The following KCNH7 variants were observed in gnomAD, a reference collection of about 807,000 sequenced individuals.
KCNH7 encodes the protein voltage-gated inwardly rectifying potassium channel KCNH7.
A neutral mutation model predicts 120.8 loss-of-function variants in KCNH7; 49 were observed. That is an observed-to-expected ratio of 0.41 (90% CI 0.32 to 0.51). The LOEUF (loss-of-function observed/expected upper bound fraction) is 0.51. KCNH7 is among the 20% of genes least tolerant of loss of function. The pLI is 0.38. For synonymous variants in KCNH7, 547 were observed against 516.1 expected, an observed-to-expected ratio of 1.06 and a Z score of -0.81; for missense variants, 1,097 against 1,446.6, an observed-to-expected ratio of 0.76 and a Z score of 3.92.
At chr2:162,471,399 T>C (rs1010447971) in intron 6 of KCNH7, among the ~76,000 whole-genome samples, 6 of 152,228 alleles carry the variant, frequency 3.9e-5, no homozygotes, top group African/African-American at 1.4e-4. Context: ...TGTGCATTTG[T>C]GTGTATGTAT....
chr2:162,405,017 A>G (rs757612672), intron 9 of KCNH7, among the ~76,000 whole-genome samples: 4 of 152,052 alleles, frequency 2.6e-5, no homozygotes, highest in Non-Finnish European at 5.9e-5. Flanking sequence ...AGAAATTCTC[A>G]AGGTAAGAAT....
At chr2:162,817,050 C>A (rs766442103) in intron 2 of KCNH7, among the ~76,000 whole-genome samples, 1 of 152,024 alleles carries the variant, frequency 6.6e-6, no homozygotes, top group East Asian at 1.9e-4. Flanking sequence ...AAAAATCTGG[C>A]CCTGAAAGTA....
intron 2 of KCNH7, among the ~76,000 whole-genome samples, chr2:162,641,705 T>A (rs1455499308): frequency 6.7e-6 from 1 of 149,214 alleles, no homozygotes; most frequent in Admixed American, 6.7e-5. Context: ...GAGGGAAATG[T>A]TTTGTATCTT....
At chr2:162,389,625 A>G (rs867412722) in intron 12 of KCNH7, among the ~76,000 whole-genome samples, 5 of 152,054 alleles carry the variant, frequency 3.3e-5, no homozygotes, top group Non-Finnish European at 7.4e-5. Flanking sequence ...TAGTTAAAAA[A>G]TATACCAATA....
chr2:162,434,969 T>C (rs533954966), intron 8 of KCNH7, among the ~76,000 whole-genome samples: 26 of 152,164 alleles, frequency 1.7e-4, no homozygotes, highest in Admixed American at 1.4e-3. Context: ...CCTGAAACCA[T>C]GTTGCTCCAA....
chr2:162,423,091 CT>C (rs1341387778), intron 9 of KCNH7, among the ~76,000 whole-genome samples: 3 of 152,204 alleles, frequency 2.0e-5, no homozygotes, highest in African/African-American at 7.2e-5. Context: ...AGTGGGAACT[CT>C]ACTACACACA....
At chr2:162,726,403 T>C (rs1455335581) in intron 2 of KCNH7, among the ~76,000 whole-genome samples, 2 of 152,142 alleles carry the variant, frequency 1.3e-5, no homozygotes, top group Non-Finnish European at 2.9e-5. Flanking sequence ...AGGGTTTTAA[T>C]CTTGGAGGTT....
intron 6 of KCNH7, among the ~76,000 whole-genome samples, chr2:162,488,669 T>C (rs1245581822): frequency 6.6e-6 from 1 of 152,134 alleles, no homozygotes; most frequent in African/African-American, 2.4e-5. Context: ...TCCATAAATA[T>C]CCCAAAAGAA....
chr2:162,733,084 C>G (rs1236339689), intron 2 of KCNH7, among the ~76,000 whole-genome samples: 2 of 152,166 alleles, frequency 1.3e-5, no homozygotes, highest in African/African-American at 4.8e-5. Context: ...GGTATTAGAG[C>G]TCTGGGGCCA....
At chr2:162,722,823 T>TTTTTTTTTTTTTTTTTTTTTTTTTA (rs1687373093) in intron 2 of KCNH7, among the ~76,000 whole-genome samples, 1 of 146,324 alleles carries the variant, frequency 6.8e-6, no homozygotes, top group Non-Finnish European at 1.5e-5. Context: ...CTTTTTTTTT[T>TTTTTTTTTTTTTTTTTTTTTTTTTA]TTTTTTTTGC....
chr2:162,825,466 GA>G, intron 2 of KCNH7, among the ~76,000 whole-genome samples: 1 of 151,666 alleles, frequency 6.6e-6, no homozygotes, highest in African/African-American at 2.4e-5. Context: ...AGTTTTATTG[GA>G]CACATAAAAT....
At chr2:162,784,797 T>A (rs1008756002) in intron 2 of KCNH7, 3 of 152,182 alleles carry the variant, frequency 2.0e-5, no homozygotes, top group South Asian at 2.1e-4. Context: ...TTCCTAAAGA[T>A]CTTAGAAGGT....
In KCNH7 at chr2:162,688,883, A is replaced by C. The variant is rs77540971; in HGVS notation, c.307+147654T>G. Among the ~76,000 whole-genome samples the C allele has an allele frequency of 6.6e-3, 997 of 152,148 alleles. 12 individuals are homozygous for C. Among genetic ancestry groups the C allele is most frequent in the African/African-American group, 0.022 (934 of 41,530 alleles). On this transcript the variant is annotated intron_variant, in intron 2 of 15. Coordinates refer to ENST00000332142, the MANE Select transcript of KCNH7 (RefSeq NM_033272.4). ...GTGCAAAAAGCCAATATATGGAGGC[A>C]GAATGATCTGGAATGAATCCTTTTT...
At chr2:162,594,005 AG>A (rs1277219526) in intron 2 of KCNH7, among the ~76,000 whole-genome samples, 1 of 151,964 alleles carries the variant, frequency 6.6e-6, no homozygotes, top group East Asian at 1.9e-4. Context: ...CACTTTGTGC[AG>A]GGAGTGCTAT....
chr2:162,563,507 T>TCTAGAAA lies in KCNH7; in HGVS notation c.308-26428_308-26427insTTTCTAG, dbSNP rs369474700. On this transcript the variant is annotated intron_variant, in intron 2 of 15. Transcript: ENST00000332142. ...AAGTGATTATTCTTTTTCTAGCTTA[T>TCTAGAAA]AATAATCTAGAGTGAAAGGGTGCAA... Among the ~76,000 whole-genome samples, 863 of 152,300 alleles carry TCTAGAAA rather than the reference T, an allele frequency of 5.7e-3. 9 individuals are homozygous for TCTAGAAA. Among genetic ancestry groups the TCTAGAAA allele is most frequent in the African/African-American group, 0.02 (814 of 41,572 alleles).
rs371498889 is a variant in KCNH7, at chr2:162,536,708, A to G, written c.463+217T>C. Among the ~76,000 whole-genome samples, 79 of 152,138 alleles carry G rather than the reference A, an allele frequency of 5.2e-4. 3 individuals carry two copies. The South Asian group carries it at 5.6e-3, about 11-fold the overall frequency. ...CATCAGGTGTCAGGGGACTGGTTAA[A>G]TACATTATATTATATCCAAGTTAAA... On this transcript the variant is annotated intron_variant, in intron 3 of 15. Transcript: ENST00000332142.
intron 12 of KCNH7, among the ~76,000 whole-genome samples, chr2:162,393,667 G>A (rs889731114): frequency 1.3e-5 from 2 of 151,820 alleles, no homozygotes; most frequent in African/African-American, 2.4e-5. Flanking sequence ...AATGTTTGTT[G>A]GATCAGCATG....
intron 9 of KCNH7, among the ~76,000 whole-genome samples, 166 bp from the exon 10 acceptor site, chr2:162,400,607 A>G (rs1157264044): frequency 2.0e-5 from 3 of 151,906 alleles, no homozygotes; most frequent in Admixed American, 1.3e-4. Flanking sequence ...TTTGCTAAAC[A>G]TGTCAAAATT....
chr2:162,634,508 T>G (rs756513343), intron 2 of KCNH7, among the ~76,000 whole-genome samples: 3 of 152,120 alleles, frequency 2.0e-5, no homozygotes, highest in Non-Finnish European at 2.9e-5. Context: ...TCAGCTACAA[T>G]TTACTGCCTT....
Sources: gnomAD v4.1 joint callset for allele counts (sites outside exome capture counted in the v4.1 genomes callset) on GRCh38, gnomAD v4.1.1 for gene constraint, MANE v1.5 for transcripts, NCBI Gene and HGNC (gene_info 2026-07-23, HGNC 2026-07-21) for gene names.